The following DOCK8 variants were observed in gnomAD, a reference collection of about 807,000 sequenced individuals.
DOCK8 encodes dedicator of cytokinesis 8, also known as dedicator of cytokinesis protein 8.
A neutral mutation model predicts 245.6 loss-of-function variants in DOCK8; 141 were observed. The observed-to-expected ratio is 0.57, with a 90% confidence interval of 0.50 to 0.66. The LOEUF is 0.66. Ranked by LOEUF, DOCK8 falls within the 30% of genes least tolerant of loss-of-function variation. The probability of loss-of-function intolerance (pLI) is 0.00; values close to 1 mark genes in which losing one functional copy is unlikely to be tolerated. For synonymous variants in DOCK8, 1,168 were observed against 970.2 expected (o/e 1.20, Z -3.79); for missense variants, 2,965 against 2,603.4 (o/e 1.14, Z -3.02).
intron 1 of DOCK8, among the ~76,000 whole-genome samples, chr9:227,669 G>A (rs1036748398): frequency 6.6e-6 from 1 of 152,130 alleles, no homozygotes; most frequent in Non-Finnish European, 1.5e-5. Context: ...CTATTGGGCG[G>A]CTTGAAATAC....
chr9:399,250 T>C lies in DOCK8; in HGVS notation c.3225T>C (p.Tyr1075=). 6.2e-7 allele frequency: 1 copy of C among 1,613,106 alleles called. No homozygotes were observed. The highest frequency in any genetic ancestry group is 8.5e-7 in the Non-Finnish European group (1 of 1,179,588). ...TTGTGTTTAACCTCATCAGACATTA[T>C]TGCAGCCAGGTGAGTGTCCCCCCCA... is the stretch of plus-strand genomic sequence containing the variant. ...RGFVFNLIRH[Y]CSQLSAKLSN... is the part of the protein sequence containing the mutation. Residue 1075 remains tyrosine, a synonymous_variant, in exon 26 of 48, where the codon TAT becomes TAC. Coordinates refer to ENST00000432829, the MANE Select transcript of DOCK8 (RefSeq NM_203447.4).
At chr9:421,651 T>C (rs1284235950) in intron 32 of DOCK8, among the ~76,000 whole-genome samples, 1 of 152,086 alleles carries the variant, frequency 6.6e-6, no homozygotes, top group Non-Finnish European at 1.5e-5. Context: ...TAAAACAGAG[T>C]GACAGCTTAT....
At chr9:264,767 C>T (rs892172751) in intron 1 of DOCK8, among the ~76,000 whole-genome samples, 4 of 152,038 alleles carry the variant, frequency 2.6e-5, no homozygotes, top group Non-Finnish European at 5.9e-5. Context: ...TCAGAAAAAG[C>T]CTTAGATTTC....
intron 28 of DOCK8, among the ~76,000 whole-genome samples, chr9:411,618 A>T (rs189061492): frequency 6.6e-6 from 1 of 152,110 alleles, no homozygotes; most frequent in Non-Finnish European, 1.5e-5. Context: ...GCATTACCCT[A>T]TACTAAACCA....
intron 46 of DOCK8, chr9:454,494 G>A (rs2057570503): frequency 6.6e-6 from 1 of 152,162 alleles, no homozygotes. Flanking sequence ...CGAGAATGAG[G>A]AGGACTGAGT....
chr9:272,987 A>G (rs1004678884), intron 2 of DOCK8: 1 of 967,014 alleles, frequency 1.0e-6, no homozygotes, highest in Non-Finnish European at 1.2e-6. Flanking sequence ...TCTACTTATT[A>G]CTTCGAAACC....
chr9:230,549 C>T (rs2047090311), intron 1 of DOCK8, among the ~76,000 whole-genome samples: 1 of 152,108 alleles, frequency 6.6e-6, no homozygotes, highest in African/African-American at 2.4e-5. Context: ...TCTCCACATC[C>T]TCTCCGGCAC....
intron 44 of DOCK8, among the ~76,000 whole-genome samples, chr9:448,274 A>G (rs925570460): frequency 6.6e-6 from 1 of 152,002 alleles, no homozygotes; most frequent in African/African-American, 2.4e-5. Context: ...AAATACAGAG[A>G]GATATATATT....
chr9:399,267 T>TGGGGGGG lies in DOCK8; in HGVS notation c.3234+8_3234+9insGGGGGGG. ...AGACATTATTGCAGCCAGGTGAGTG[T>TGGGGGGG]CCCCCCCACCCCCACCCCCGAGCGA... is the stretch of plus-strand genomic sequence containing the variant. On this transcript the variant is annotated intron_variant, in intron 26 of 47. Coordinates refer to ENST00000432829, the MANE Select transcript of DOCK8 (RefSeq NM_203447.4). The TGGGGGGG allele has an allele frequency of 6.5e-7, 1 of 1,534,432 alleles. No individual in the cohort carries two copies.
chr9:281,173 G>C (rs1281308086), intron 2 of DOCK8, among the ~76,000 whole-genome samples: 1 of 151,902 alleles, frequency 6.6e-6, no homozygotes, highest in Non-Finnish European at 1.5e-5. Flanking sequence ...AGAATTTCTT[G>C]AACCCAGGAG....
intron 46 of DOCK8, among the ~76,000 whole-genome samples, chr9:453,169 C>T (rs773442503): frequency 8.5e-5 from 13 of 152,214 alleles, no homozygotes; most frequent in Non-Finnish European, 1.8e-4. Context: ...CGCAATTTTG[C>T]TGCATATACA....
chr9:327,603 C>T (rs10813641), intron 8 of DOCK8, among the ~76,000 whole-genome samples: 22 of 152,014 alleles, frequency 1.4e-4, no homozygotes, highest in South Asian at 8.3e-4. Context: ...CACCATGTTG[C>T]CCAGGCTGGT....
chr9:401,425 C>A (rs2055095116), intron 26 of DOCK8, among the ~76,000 whole-genome samples: 1 of 152,094 alleles, frequency 6.6e-6, no homozygotes, highest in Non-Finnish European at 1.5e-5. Flanking sequence ...GCTTATAGAT[C>A]TGGGTGAGGC....
intron 27 of DOCK8, among the ~76,000 whole-genome samples, chr9:406,215 C>T (rs546178055): frequency 1.3e-5 from 2 of 152,220 alleles, no homozygotes; most frequent in African/African-American, 4.8e-5. Context: ...TAGCTGAGGC[C>T]GGGCACGGTG....
At chr9:453,207 C>T (rs1252490735) in intron 46 of DOCK8, among the ~76,000 whole-genome samples, 2 of 152,192 alleles carry the variant, frequency 1.3e-5, no homozygotes, top group African/African-American at 2.4e-5. Context: ...TGCAGTGAAT[C>T]ACAGCCGCTT....
chr9:377,391 A>G (rs2053563424), intron 20 of DOCK8, among the ~76,000 whole-genome samples, 180 bp downstream of exon 20: 1 of 152,228 alleles, frequency 6.6e-6, no homozygotes, highest in Admixed American at 6.5e-5. Flanking sequence ...GCATGTTGGA[A>G]AGAAAAAGAA....
At position 317,881 on chromosome 9, in the gene DOCK8, C is replaced by A. The variant is rs1031376218; in HGVS notation, c.827+753C>A. Reference sequence around the variant, plus strand: ...TTATAAACACCATATAATTAAAACACGACTACAGTCTGGTTTCATCTTGTG... The same window carrying A: ...TTATAAACACCATATAATTAAAACAAGACTACAGTCTGGTTTCATCTTGTG... On this transcript the variant is annotated intron_variant, in intron 7 of 47. Transcript: ENST00000432829. 3.3e-5 allele frequency among the ~76,000 whole-genome samples: 5 copies of A among 152,192 alleles called. No homozygotes were observed. The South Asian group carries it at 1.0e-3, about 32-fold the overall frequency.
intron 46 of DOCK8, among the ~76,000 whole-genome samples, chr9:461,784 C>T (rs955709802): frequency 4.0e-5 from 6 of 151,888 alleles, no homozygotes; most frequent in Admixed American, 3.9e-4. Context: ...TCAGGCAATC[C>T]ACCCACCTTA....
intron 28 of DOCK8, among the ~76,000 whole-genome samples, chr9:412,114 A>T (rs2055757834): frequency 6.6e-6 from 1 of 152,114 alleles, no homozygotes; most frequent in Admixed American, 6.6e-5. Context: ...AAAACAAAAG[A>T]CATCTAGGCC....
Sources: gnomAD v4.1 joint callset for allele counts (sites outside exome capture counted in the v4.1 genomes callset) on GRCh38, gnomAD v4.1.1 for gene constraint, MANE v1.5 for transcripts, NCBI Gene and HGNC (gene_info 2026-07-23, HGNC 2026-07-21) for gene names.